ZCWPW2: variants seen among roughly 807,000 people sequenced by gnomAD.
The protein encoded by ZCWPW2 is zinc finger CW-type and PWWP domain containing 2, also known as zinc finger CW-type PWWP domain protein 2.
In ZCWPW2, 45 loss-of-function variants were observed where a neutral mutation model predicts 46.6. The observed-to-expected ratio is 0.96, with a 90% CI of 0.76 to 1.24. The LOEUF is 1.24. ZCWPW2 is among the 50% of genes most tolerant of loss of function. ZCWPW2 has a pLI of 0.00. For synonymous variants in ZCWPW2, 152 were observed against 137.1 expected, an observed-to-expected ratio of 1.11 and a Z score of -0.76; for missense variants, 429 against 403.9, an observed-to-expected ratio of 1.06 and a Z score of -0.53.
rs779119658 is a variant in ZCWPW2, at chr3:28,521,027, G to A, written c.820G>A (p.Glu274Lys). The A allele has an allele frequency of 6.2e-6, 10 of 1,613,204 alleles. No homozygotes were observed. The South Asian group carries it at 9.9e-5, about 16-fold the overall frequency. Residue 274 changes from glutamate (E) to lysine (K), a missense_variant, in exon 9 of 10, where the codon GAG becomes AAG. By Grantham distance (56) the Glu-to-Lys change is moderately conservative. Coordinates refer to ENST00000383768, the MANE Select transcript of ZCWPW2 (RefSeq NM_001040432.4). Reference sequence around the variant, plus strand: ...GACGGAAGTTTTACTAAAAGAGCTGGAGCAAATGCTGCAGCAAGCACTGCA... The same window carrying A: ...GACGGAAGTTTTACTAAAAGAGCTGAAGCAAATGCTGCAGCAAGCACTGCA... ...CETEVLLKELEQMLQQALQPT... is the reference protein window; with the variant it reads ...CETEVLLKELKQMLQQALQPT...
chr3:28,435,225 T>C lies in ZCWPW2; in HGVS notation c.448T>C (p.Trp150Arg). 3.1e-6 allele frequency: 5 copies of C among 1,613,312 alleles called. No individual in the cohort carries two copies. The highest frequency in any genetic ancestry group is 4.2e-6 in the Non-Finnish European group (5 of 1,179,890). The change falls in exon 4 of 10, where the codon TGG becomes CGG. Residue 150 changes from tryptophan to arginine, a missense_variant. Trp to Arg is a moderately radical substitution (Grantham distance 101, BLOSUM62 -3). Transcript: ENST00000383768. ...EFLGDPHSRS[W>R]IKATFVGHYS... ...CCTGGGCGATCCCCATTCAAGATCA[T>C]GGATAAAGGCAACATTCGTTGGACA...
At chr3:28,387,933 A>G (rs1300380749) in intron 1 of ZCWPW2, among the ~76,000 whole-genome samples, 2 of 152,172 alleles carry the variant, frequency 1.3e-5, no homozygotes, top group Non-Finnish European at 2.9e-5. Context: ...CTACAGAGAA[A>G]CAGAATCAAG....
intron 5 of ZCWPW2, among the ~76,000 whole-genome samples, chr3:28,487,334 T>A (rs1248709716): frequency 1.3e-5 from 2 of 152,116 alleles, no homozygotes; most frequent in Non-Finnish European, 2.9e-5. Flanking sequence ...GTTTTGGTGG[T>A]TTTTATTGAT....
At chr3:28,422,147 C>T (rs78284436) in intron 3 of ZCWPW2, among the ~76,000 whole-genome samples, 2,343 of 152,180 alleles carry the variant, frequency 0.015, 67 homozygotes, top group African/African-American at 0.054. Flanking sequence ...CTGCCCCACC[C>T]TCAATATCCC....
chr3:28,444,731 C>T lies in ZCWPW2; in HGVS notation c.492+9462C>T, dbSNP rs188025792. On this transcript the variant is annotated intron_variant, in intron 4 of 9. Coordinates refer to ENST00000383768, the MANE Select transcript of ZCWPW2 (RefSeq NM_001040432.4). ...TAGCAGATTTGAGGCTCAGTATCTGCTTCTGAAGCCAGGAGTTAGAATCGC... is the reference window on the plus strand; with the variant it reads ...TAGCAGATTTGAGGCTCAGTATCTGTTTCTGAAGCCAGGAGTTAGAATCGC... Among the ~76,000 whole-genome samples the T allele has an allele frequency of 7.2e-5, 11 of 152,280 alleles. No homozygotes were observed. In the East Asian group the frequency reaches 1.9e-3, roughly 27 times the overall value.
At chr3:28,502,622 C>T (rs530249163) in intron 6 of ZCWPW2, among the ~76,000 whole-genome samples, 92 of 152,052 alleles carry the variant, frequency 6.1e-4, no homozygotes, top group Middle Eastern at 3.4e-3. Context: ...TGTTGTAGTG[C>T]GAAGACCACA....
intron 4 of ZCWPW2, among the ~76,000 whole-genome samples, chr3:28,446,818 G>T (rs974432590): frequency 6.6e-6 from 1 of 152,006 alleles, no homozygotes; most frequent in Non-Finnish European, 1.5e-5. Context: ...ACTAAAGTCA[G>T]AAATAAAGCA....
At chr3:28,467,665 T>C (rs2125793728) in intron 4 of ZCWPW2, among the ~76,000 whole-genome samples, 1 of 152,290 alleles carries the variant, frequency 6.6e-6, no homozygotes, top group East Asian at 1.9e-4. Flanking sequence ...TGTTTGTTTG[T>C]AAGTAAGTCA....
chr3:28,395,891 T>C (rs1695676243), intron 2 of ZCWPW2, among the ~76,000 whole-genome samples: 1 of 152,124 alleles, frequency 6.6e-6, no homozygotes, highest in South Asian at 2.1e-4. Flanking sequence ...GTCTTAATTT[T>C]TCTTTTCAGA....
chr3:28,368,771 T>C (rs1279251511), intron 1 of ZCWPW2, among the ~76,000 whole-genome samples: 1 of 152,242 alleles, frequency 6.6e-6, no homozygotes, highest in Non-Finnish European at 1.5e-5. Context: ...CTTGGTTCCA[T>C]TCTCCTTGTC....
rs968365586 is a variant in ZCWPW2, at chr3:28,370,149, G to A, written c.-133-20349G>A. Among the ~76,000 whole-genome samples, 17 of 152,298 alleles carry A rather than the reference G, an allele frequency of 1.1e-4. No homozygotes were observed. The East Asian group carries it at 1.5e-3, about 14-fold the overall frequency. On this transcript the variant is annotated intron_variant, in intron 1 of 9. Transcript: ENST00000383768. ...CCCTGCTTTGGCTCATGCTTGGTGC[G>A]CTGCACCCACTGTCCTGCACCCACT...
chr3:28,469,169 G>A (rs1698943246), intron 4 of ZCWPW2, among the ~76,000 whole-genome samples: 1 of 151,718 alleles, frequency 6.6e-6, no homozygotes, highest in Non-Finnish European at 1.5e-5. Flanking sequence ...TAAAATAATG[G>A]GTTATAATAT....
chr3:28,441,402 G>T (rs917815223), intron 4 of ZCWPW2, among the ~76,000 whole-genome samples: 2 of 152,152 alleles, frequency 1.3e-5, no homozygotes, highest in African/African-American at 4.8e-5. Flanking sequence ...CTCCTTCCAT[G>T]CAAAGTGCAC....
chr3:28,502,761 T>C (rs1302493816), intron 6 of ZCWPW2, among the ~76,000 whole-genome samples: 1 of 152,154 alleles, frequency 6.6e-6, no homozygotes, highest in African/African-American at 2.4e-5. Flanking sequence ...TGTAAGGGGC[T>C]GTTCTAAGAA....
intron 1 of ZCWPW2, among the ~76,000 whole-genome samples, chr3:28,369,905 A>T (rs1705254339): frequency 6.6e-6 from 1 of 152,112 alleles, no homozygotes; most frequent in Non-Finnish European, 1.5e-5. Context: ...TTGATCTCAG[A>T]CTGCTGTGCT....
In ZCWPW2 at chr3:28,381,891, G is replaced by A. The variant is rs140844744; in HGVS notation, c.-133-8607G>A. Among the ~76,000 whole-genome samples the A allele has an allele frequency of 2.5e-3, 385 of 152,250 alleles. 1 individual carries two copies. The highest frequency in any genetic ancestry group is 8.4e-3 in the African/African-American group (349 of 41,546). ...TTAAAGAACAGAAATTTGGCCAGGC[G>A]TGGTGGTTCACACCTCTAATCCCAG... On this transcript the variant is annotated intron_variant, in intron 1 of 9. Coordinates refer to ENST00000383768, the MANE Select transcript of ZCWPW2 (RefSeq NM_001040432.4).
chr3:28,446,240 A>G (rs769730718), intron 4 of ZCWPW2, among the ~76,000 whole-genome samples: 1 of 152,160 alleles, frequency 6.6e-6, no homozygotes, highest in South Asian at 2.1e-4. Flanking sequence ...TCAAGTTCAC[A>G]TGGGACATTT....
At chr3:28,392,492 T>TC (rs564836399) in intron 2 of ZCWPW2, among the ~76,000 whole-genome samples, 4 of 152,104 alleles carry the variant, frequency 2.6e-5, no homozygotes, top group Non-Finnish European at 5.9e-5. Context: ...GAACATTCTA[T>TC]CCAACAGTAG....
intron 4 of ZCWPW2, among the ~76,000 whole-genome samples, chr3:28,445,789 G>A (rs1697968721): frequency 6.6e-6 from 1 of 152,084 alleles, no homozygotes; most frequent in Admixed American, 6.6e-5. Context: ...TCTCTAACAA[G>A]AGATTCACTT....
Sources: allele counts gnomAD v4.1 joint callset (sites outside exome capture counted in the v4.1 genomes callset), GRCh38; gene constraint gnomAD v4.1.1; transcripts MANE v1.5; gene names NCBI Gene and HGNC (gene_info 2026-07-23, HGNC 2026-07-21).